Variants in TOM1L1 observed in about 807,000 individuals in gnomAD.
The protein encoded by TOM1L1 is target of myb1 like 1 membrane trafficking protein, also known as TOM1-like protein 1.
Under a neutral mutation model 63.4 loss-of-function variants are expected in TOM1L1, and 64 were observed. The ratio of observed to expected loss-of-function variants is 1.01; its 90% CI spans 0.83 to 1.24. The LOEUF (loss-of-function observed/expected upper bound fraction) is 1.24, where lower values mean the gene tolerates loss of function less well. Ranked by LOEUF, TOM1L1 falls within the 50% of genes most tolerant of loss-of-function variation. TOM1L1 has a pLI of 0.00. For synonymous variants in TOM1L1, 166 were observed against 194.4 expected (o/e 0.85, Z 1.22); for missense variants, 536 against 567.0 (o/e 0.95, Z 0.55).
At chr17:54,910,961 A>G in intron 3 of TOM1L1, among the ~76,000 whole-genome samples, 1 of 152,290 alleles carries the variant, frequency 6.6e-6, no homozygotes, top group East Asian at 1.9e-4. Flanking sequence ...AGATGATTAT[A>G]CCTATCCTGG....
chr17:54,919,761 CTGGTGTGGGGAG>C, intron 7 of TOM1L1, among the ~76,000 whole-genome samples: 1 of 151,996 alleles, frequency 6.6e-6, no homozygotes, highest in African/African-American at 2.4e-5. Context: ...ATATAAAGAT[CTGGTGTGGGGAG>C]TGCTATTCTT....
At chr17:54,950,394 T>G (rs1273770016) in intron 14 of TOM1L1, among the ~76,000 whole-genome samples, 1 of 152,214 alleles carries the variant, frequency 6.6e-6, no homozygotes, top group African/African-American at 2.4e-5. Flanking sequence ...ATAGATCCCT[T>G]GGCAGAAAGT....
chr17:54,903,145 A>G lies in TOM1L1; in HGVS notation c.59-563A>G, dbSNP rs571364024. ...TGTGCCAATGTTTTGGCTCCTAAGA[A>G]CAACGGATTACTTCTCTCCTTTAAA... On this transcript the variant is annotated intron_variant, in intron 1 of 15. Transcript: ENST00000575882. Among the ~76,000 whole-genome samples, 4 of 152,344 alleles carry G rather than the reference A, an allele frequency of 2.6e-5. No homozygotes were observed. In the South Asian group the frequency reaches 8.3e-4, roughly 32 times the overall value.
chr17:54,929,715 A>T (rs1405481855), intron 7 of TOM1L1, among the ~76,000 whole-genome samples: 2 of 151,154 alleles, frequency 1.3e-5, no homozygotes, highest in Admixed American at 1.3e-4. Flanking sequence ...TTTATCAATG[A>T]GAAAACTGAG....
At chr17:54,921,874 C>T (rs2048689646) in intron 7 of TOM1L1, among the ~76,000 whole-genome samples, 1 of 152,180 alleles carries the variant, frequency 6.6e-6, no homozygotes, top group Non-Finnish European at 1.5e-5. Context: ...AACTTAGCTA[C>T]TAATAGCCTA....
chr17:54,920,038 C>T (rs2048658062), intron 7 of TOM1L1, among the ~76,000 whole-genome samples: 1 of 151,704 alleles, frequency 6.6e-6, no homozygotes, highest in African/African-American at 2.4e-5. Context: ...CCCTCTAACC[C>T]TATGTCATAA....
At chr17:54,934,829 T>TCA (rs2048920973) in intron 8 of TOM1L1, among the ~76,000 whole-genome samples, 6 of 152,146 alleles carry the variant, frequency 3.9e-5, no homozygotes, top group African/African-American at 1.4e-4. Flanking sequence ...GCGATTCTTC[T>TCA]GTCTCAGCCT....
chr17:54,947,982 C>T (rs571187963), intron 12 of TOM1L1, among the ~76,000 whole-genome samples: 30 of 152,318 alleles, frequency 2.0e-4, no homozygotes, highest in African/African-American at 6.7e-4. Flanking sequence ...CTCAACCTGC[C>T]CTTCCTGCAG....
intron 14 of TOM1L1, chr17:54,957,179 T>C (rs1011767224): frequency 1.3e-5 from 2 of 152,262 alleles, no homozygotes; most frequent in African/African-American, 4.8e-5. Flanking sequence ...CTGCATCTCT[T>C]CTTTGGCTGA....
chr17:54,914,113 C>T (rs1409500542), intron 5 of TOM1L1, among the ~76,000 whole-genome samples: 1 of 152,082 alleles, frequency 6.6e-6, no homozygotes, highest in Non-Finnish European at 1.5e-5. Context: ...CAGAACCTCC[C>T]TTTTTACAAG....
chr17:54,951,776 TGAG>T (rs2049247868), intron 14 of TOM1L1: 1 of 152,342 alleles, frequency 6.6e-6, no homozygotes, highest in South Asian at 2.1e-4. Flanking sequence ...GGGCTGGGGT[TGAG>T]TAGTAGCTAT....
chr17:54,901,930 A>C (rs534904504), intron 1 of TOM1L1, among the ~76,000 whole-genome samples: 2 of 152,150 alleles, frequency 1.3e-5, no homozygotes, highest in South Asian at 2.1e-4. Flanking sequence ...ATGAACCCCA[A>C]GCAGAAATGG....
chr17:54,912,546 C>T (rs2048513536), intron 3 of TOM1L1, 120 bp from the exon 4 acceptor site: 1 of 838,328 alleles, frequency 1.2e-6, no homozygotes, highest in South Asian at 2.2e-5. Context: ...TTAGTAGATA[C>T]TAAATTATGT....
Position 54,900,863 on chromosome 17 carries a change from A to G in TOM1L1, c.-3A>G, listed in dbSNP as rs372029462. ...TTCCTGGGCCCGGCCCTCTGGCGCT[A>G]CCATGGCGTTTGGCAAGAGTCACCG... On this transcript the variant is annotated 5_prime_UTR_variant, in exon 1 of 16. Transcript: ENST00000575882. 5.3e-5 allele frequency: 85 copies of G among 1,613,328 alleles called. No individual in the cohort carries two copies. The highest frequency in any genetic ancestry group is 6.6e-5 in the Non-Finnish European group (78 of 1,179,996).
In TOM1L1 at chr17:54,942,316, A is replaced by G. The variant is rs1341175698; in HGVS notation, c.1130+3296A>G. 10 of 148,406 alleles carry G rather than the reference A, an allele frequency of 6.7e-5. No individual in the cohort carries two copies. The Admixed American group carries it at 6.8e-4, about 10-fold the overall frequency. The allele number at this position is 148,406 out of a possible 1,614,324, so 9.2% of individuals were successfully genotyped here. A position where few individuals can be genotyped will look rare whatever the true frequency, so the allele number is the denominator to read the frequency against. ...GAGACCTGGTTTTACCATGTTGGCC[A>G]GGCTGTGGTCTCAAACTCCTGACCT... On this transcript the variant is annotated intron_variant, in intron 11 of 15. Transcript: ENST00000575882.
At chr17:54,954,006 G>A (rs1315390740) in intron 14 of TOM1L1, 1 of 152,142 alleles carries the variant, frequency 6.6e-6, no homozygotes, top group Non-Finnish European at 1.5e-5. Flanking sequence ...ACCAGGGACT[G>A]GCTTGCTTCC....
chr17:54,921,747 A>G (rs2048687411), intron 7 of TOM1L1, among the ~76,000 whole-genome samples: 1 of 152,120 alleles, frequency 6.6e-6, no homozygotes. Flanking sequence ...TAAAAATAAA[A>G]TAAAATAAAT....
intron 14 of TOM1L1, chr17:54,957,443 C>T (rs529920502): frequency 6.6e-6 from 1 of 152,224 alleles, no homozygotes; most frequent in African/African-American, 2.4e-5. Context: ...TCCATCCAAA[C>T]AGGTAGTGGA....
chr17:54,905,269 T>A (rs2048391611), intron 2 of TOM1L1, among the ~76,000 whole-genome samples: 1 of 152,230 alleles, frequency 6.6e-6, no homozygotes, highest in South Asian at 2.1e-4. Flanking sequence ...AATATTTTAT[T>A]TGATTCTCAT....
Sources: allele counts gnomAD v4.1 joint callset (sites outside exome capture counted in the v4.1 genomes callset), GRCh38; gene constraint gnomAD v4.1.1; transcripts MANE v1.5; gene names NCBI Gene and HGNC (gene_info 2026-07-23, HGNC 2026-07-21).